KIAA1217: variants seen among roughly 807,000 people sequenced by gnomAD.
KIAA1217 encodes KIAA1217.
In KIAA1217, 88 loss-of-function variants were observed where a neutral mutation model predicts 163.9. The ratio of observed to expected loss-of-function variants is 0.54; its 90% CI spans 0.45 to 0.64. The LOEUF (loss-of-function observed/expected upper bound fraction) is 0.64, where lower values mean the gene tolerates loss of function less well. Among genes scored for constraint, KIAA1217 ranks in the 30% least tolerant of loss-of-function variants. KIAA1217 has a pLI of 0.00. For synonymous variants in KIAA1217, 903 were observed against 923.1 expected (o/e 0.98, Z 0.39); for missense variants, 2,372 against 2,475.0 (o/e 0.96, Z 0.88).
intron 5 of KIAA1217, among the ~76,000 whole-genome samples, chr10:24,451,533 C>T (rs891683406): frequency 6.6e-6 from 1 of 152,234 alleles, no homozygotes; most frequent in Admixed American, 6.5e-5. Flanking sequence ...ACAGGGGATG[C>T]AGCTGCTCAC....
rs914506959 is a variant in KIAA1217 at position 24,039,797 on chromosome 10, G to T, written c.-171+32423G>T. 1.1e-4 allele frequency among the ~76,000 whole-genome samples: 16 copies of T among 147,524 alleles called. No individual in the cohort carries two copies. In the Admixed American group the frequency reaches 1.1e-3, roughly 10 times the overall value. On this transcript the variant is annotated intron_variant, in intron 2 of 18. Coordinates refer to the KIAA1217 transcript ENST00000376462. Reference sequence around the variant, plus strand: ...ATCTTATTGGCATGATATAGATATAGATAGATATAGATATAGATATAGATA... The same window carrying T: ...ATCTTATTGGCATGATATAGATATATATAGATATAGATATAGATATAGATA...
chr10:23,796,476 G>T (rs1015586415), intron 1 of KIAA1217, among the ~76,000 whole-genome samples: 3 of 151,938 alleles, frequency 2.0e-5, no homozygotes, highest in Non-Finnish European at 4.4e-5. Context: ...CAATTCTTCT[G>T]CCTCAGCATT....
chr10:24,495,406 G>A (rs538659197), intron 8 of KIAA1217, among the ~76,000 whole-genome samples: 7 of 152,222 alleles, frequency 4.6e-5, no homozygotes, highest in East Asian at 1.9e-4. Context: ...TCATTCATTC[G>A]CTCATTCATT....
intron 2 of KIAA1217, among the ~76,000 whole-genome samples, chr10:24,109,198 A>G (rs1314356937): frequency 6.6e-6 from 1 of 152,176 alleles, no homozygotes; most frequent in Admixed American, 6.5e-5. Context: ...GAGATGGATC[A>G]ACACCATGAG....
chr10:24,359,429 T>C (rs1239533884), intron 2 of KIAA1217, among the ~76,000 whole-genome samples: 1 of 152,204 alleles, frequency 6.6e-6, no homozygotes, highest in Non-Finnish European at 1.5e-5. Context: ...TTATTTCAAA[T>C]TGCTCATAAA....
chr10:23,734,099 A>T (rs2130794580), intron 1 of KIAA1217, among the ~76,000 whole-genome samples: 1 of 152,228 alleles, frequency 6.6e-6, no homozygotes, highest in East Asian at 1.9e-4. Flanking sequence ...TGCCAACTTC[A>T]CTGGAACCTC....
At chr10:23,850,543 G>A (rs1205900313) in intron 1 of KIAA1217, among the ~76,000 whole-genome samples, 10 of 152,106 alleles carry the variant, frequency 6.6e-5, no homozygotes, top group East Asian at 5.8e-4. Context: ...CACCTTTGTG[G>A]GCCCAGTACC....
intron 2 of KIAA1217, among the ~76,000 whole-genome samples, chr10:24,086,008 A>G (rs1191454786): frequency 6.6e-6 from 1 of 151,604 alleles, no homozygotes; most frequent in Non-Finnish European, 1.5e-5. Flanking sequence ...ACTTTAAGAC[A>G]AATCCCCTGA....
chr10:24,295,433 C>T (rs387690), intron 2 of KIAA1217, among the ~76,000 whole-genome samples: 115,504 of 152,070 alleles, frequency 0.76, 45,313 homozygotes, highest in Non-Finnish European at 0.86. Context: ...ACTGTGTCTA[C>T]TTTAGGATTT....
chr10:24,134,143 G>C (rs536593772), intron 2 of KIAA1217, among the ~76,000 whole-genome samples: 2 of 152,326 alleles, frequency 1.3e-5, no homozygotes, highest in Admixed American at 1.3e-4. Flanking sequence ...TTAAGGAAGG[G>C]CTTCATGGAG....
intron 3 of KIAA1217, among the ~76,000 whole-genome samples, chr10:24,398,200 A>G (rs915904806): frequency 2.0e-5 from 3 of 152,216 alleles, no homozygotes; most frequent in African/African-American, 7.2e-5. Flanking sequence ...TTTTTACCAT[A>G]AAGTAAGCTA....
chr10:24,450,081 T>C lies in KIAA1217; in HGVS notation c.846+11602T>C, dbSNP rs749844143. 3.9e-5 allele frequency among the ~76,000 whole-genome samples: 6 copies of C among 152,202 alleles called. 1 individual carries two copies. Among genetic ancestry groups the C allele is most frequent in the Non-Finnish European group, 8.8e-5 (6 of 68,040 alleles). ...TGCCAACACAGTTTGCTTTTACAGG[T>C]CTTGTTGATTTATGTGCTCTGTGAC... is the stretch of plus-strand genomic sequence containing the variant. On this transcript the variant is annotated intron_variant, in intron 5 of 20. Coordinates refer to ENST00000376454, the MANE Select transcript of KIAA1217 (RefSeq NM_019590.5).
chr10:24,448,248 G>GA (rs199501780), intron 5 of KIAA1217, among the ~76,000 whole-genome samples: 1 of 151,628 alleles, frequency 6.6e-6, no homozygotes, highest in Non-Finnish European at 1.5e-5. Context: ...TTTTTGCGTG[G>GA]GGGGGGCTGG....
chr10:23,949,600 C>T (rs1844236091), intron 1 of KIAA1217, among the ~76,000 whole-genome samples: 1 of 151,798 alleles, frequency 6.6e-6, no homozygotes, highest in Non-Finnish European at 1.5e-5. Context: ...TTTGTTTTAC[C>T]TTTTTTTAAG....
chr10:24,233,785 GT>G, intron 2 of KIAA1217, among the ~76,000 whole-genome samples: 1 of 152,028 alleles, frequency 6.6e-6, no homozygotes, highest in African/African-American at 2.4e-5. Context: ...TATATATTGG[GT>G]TTGTTGATTG....
chr10:24,219,559 G>A, intron 1 of KIAA1217, 67 bp from the exon 2 acceptor site: 1 of 1,330,752 alleles, frequency 7.5e-7, no homozygotes, highest in Non-Finnish European at 1.0e-6. Context: ...AAACCCTCTT[G>A]GTGTTCTGCA....
chr10:24,294,232 G>A lies in KIAA1217; in HGVS notation c.354+74323G>A, dbSNP rs2079452476. ...AAAAAAAGAAATAGTTCCTTTCCACGTGGAGTGGACTGGCCACCTTGGGGC... is the reference window on the plus strand; with the variant it reads ...AAAAAAAGAAATAGTTCCTTTCCACATGGAGTGGACTGGCCACCTTGGGGC... On this transcript the variant is annotated intron_variant, in intron 2 of 20. Coordinates refer to ENST00000376454, the MANE Select transcript of KIAA1217 (RefSeq NM_019590.5). Among the ~76,000 whole-genome samples the A allele has an allele frequency of 2.1e-5, 3 of 144,836 alleles. No individual in the cohort carries two copies. In the South Asian group the frequency reaches 6.6e-4, roughly 32 times the overall value.
intron 2 of KIAA1217, among the ~76,000 whole-genome samples, chr10:24,057,748 A>G (rs899473268): frequency 3.9e-5 from 6 of 152,074 alleles, no homozygotes. Flanking sequence ...TAATCAGATT[A>G]TTAGGTTTTT....
chr10:23,979,801 T>C (rs2131409871), intron 1 of KIAA1217, among the ~76,000 whole-genome samples: 1 of 152,318 alleles, frequency 6.6e-6, no homozygotes, highest in East Asian at 1.9e-4. Flanking sequence ...TATTTGTAGA[T>C]GCAAAGCTCT....
Sources: allele counts gnomAD v4.1 joint callset (sites outside exome capture counted in the v4.1 genomes callset), GRCh38; gene constraint gnomAD v4.1.1; transcripts MANE v1.5; gene names NCBI Gene and HGNC (gene_info 2026-07-23, HGNC 2026-07-21).